Variants in LRRC7 observed in about 807,000 individuals in gnomAD.
LRRC7 encodes the protein leucine-rich repeat-containing protein 7.
In LRRC7, 23 loss-of-function variants were observed where a neutral mutation model predicts 175.7. The ratio of observed to expected loss-of-function variants is 0.13; its 90% CI spans 0.09 to 0.19. The LOEUF (loss-of-function observed/expected upper bound fraction) is 0.19. LRRC7 is among the 10% of genes least tolerant of loss of function. The pLI is 1.00. For missense variants in LRRC7, 1,354 were observed against 1,904.7 expected (o/e 0.71, Z 5.38); for synonymous variants, 685 against 680.9 (o/e 1.01, Z -0.09).
At position 70,133,962 on chromosome 1, in the gene LRRC7, TAA is replaced by T. The variant is rs1288023561; in HGVS notation, c.*12076_*12077del. Among the ~76,000 whole-genome samples, 2 of 152,230 alleles carry T rather than the reference TAA, an allele frequency of 1.3e-5. No individual in the cohort carries two copies. The highest frequency in any genetic ancestry group is 4.8e-5 in the African/African-American group (2 of 41,464). ...AAACTTAAACATCAGGAACTGTGGTTAAGTTTGCCTAGCCTTCTTTATGTAAT... is the reference window on the plus strand; with the variant it reads ...AAACTTAAACATCAGGAACTGTGGTTGTTTGCCTAGCCTTCTTTATGTAAT... On this transcript the variant is annotated 3_prime_UTR_variant, in exon 27 of 27. Coordinates refer to ENST00000651989, the MANE Select transcript of LRRC7 (RefSeq NM_001370785.2).
At chr1:69,632,906 G>A (rs1652736617) in intron 1 of LRRC7, among the ~76,000 whole-genome samples, 1 of 152,202 alleles carries the variant, frequency 6.6e-6, no homozygotes, top group Middle Eastern at 3.5e-3. Context: ...CAAGAGTTAA[G>A]TAGAGCATTT....
intron 3 of LRRC7, among the ~76,000 whole-genome samples, chr1:69,777,951 A>C (rs936715689): frequency 6.6e-6 from 1 of 152,172 alleles, no homozygotes; most frequent in African/African-American, 2.4e-5. Flanking sequence ...CTCTAACTTC[A>C]GGGGAAAAAA....
At chr1:69,661,251 C>T (rs1371576108) in intron 1 of LRRC7, among the ~76,000 whole-genome samples, 5 of 152,126 alleles carry the variant, frequency 3.3e-5, no homozygotes, top group Non-Finnish European at 7.4e-5. Context: ...TATATTCACT[C>T]AATCGCAAAT....
chr1:70,028,555 G>C (rs1658371987), intron 18 of LRRC7, among the ~76,000 whole-genome samples, 184 bp downstream of exon 18: 2 of 151,992 alleles, frequency 1.3e-5, no homozygotes, highest in South Asian at 4.1e-4. Context: ...TACCCTCATG[G>C]CCTAAAATCA....
At chr1:69,617,529 G>T (rs150035850) in intron 1 of LRRC7, among the ~76,000 whole-genome samples, 73 of 98,536 alleles carry the variant, frequency 7.4e-4, no homozygotes, top group African/African-American at 2.5e-3. Context: ...TGAGCTGAAG[G>T]TTGTTATATA....
intron 7 of LRRC7, among the ~76,000 whole-genome samples, chr1:69,890,483 T>G (rs1645802015): frequency 6.6e-6 from 1 of 152,238 alleles, no homozygotes; most frequent in Non-Finnish European, 1.5e-5. Context: ...CTAAAGCACA[T>G]GCAGAATAGA....
intron 7 of LRRC7, among the ~76,000 whole-genome samples, chr1:69,924,084 C>T (rs1041693935): frequency 2.6e-5 from 4 of 152,076 alleles, no homozygotes; most frequent in Admixed American, 2.0e-4. Flanking sequence ...TCTTGTTTTT[C>T]TCAGGTTTGT....
chr1:69,928,915 C>A (rs1301680262), intron 7 of LRRC7, among the ~76,000 whole-genome samples: 4 of 152,230 alleles, frequency 2.6e-5, no homozygotes, highest in African/African-American at 9.6e-5. Context: ...ACGCTGGGAG[C>A]TGTAGACCGG....
chr1:69,738,414 C>T (rs1476049028), intron 2 of LRRC7, among the ~76,000 whole-genome samples: 1 of 152,000 alleles, frequency 6.6e-6, no homozygotes, highest in Non-Finnish European at 1.5e-5. Flanking sequence ...GAAAATGATA[C>T]AAATCTATTT....
At chr1:69,856,225 A>G (rs937036977) in intron 7 of LRRC7, among the ~76,000 whole-genome samples, 2 of 152,100 alleles carry the variant, frequency 1.3e-5, no homozygotes, top group Admixed American at 1.3e-4. Context: ...GAGCAAACAC[A>G]TTCAAAAGCT....
intron 1 of LRRC7, among the ~76,000 whole-genome samples, chr1:69,649,966 T>A (rs1461974345): frequency 6.6e-6 from 1 of 152,066 alleles, no homozygotes; most frequent in Non-Finnish European, 1.5e-5. Flanking sequence ...ACTTTATGGA[T>A]GATGACAGGC....
chr1:70,062,696 A>G (rs756132544), intron 23 of LRRC7, among the ~76,000 whole-genome samples: 6 of 152,126 alleles, frequency 3.9e-5, no homozygotes, highest in Non-Finnish European at 8.8e-5. Flanking sequence ...AAGCTGAATC[A>G]GGAAAAAGGG....
chr1:69,760,837 T>C (rs1283971919), intron 3 of LRRC7, among the ~76,000 whole-genome samples: 1 of 152,036 alleles, frequency 6.6e-6, no homozygotes, highest in East Asian at 1.9e-4. Context: ...AATGCTATTA[T>C]GAAAAACATG....
At chr1:69,848,595 C>G (rs557333088) in intron 7 of LRRC7, among the ~76,000 whole-genome samples, 1 of 152,046 alleles carries the variant, frequency 6.6e-6, no homozygotes. Flanking sequence ...ATAAGACACA[C>G]CAAATCCGCT....
intron 7 of LRRC7, among the ~76,000 whole-genome samples, chr1:69,903,952 A>G (rs1646216873): frequency 6.6e-6 from 1 of 152,228 alleles, no homozygotes; most frequent in Admixed American, 6.5e-5. Flanking sequence ...AGACTAAACC[A>G]GGAAGAAGTC....
intron 11 of LRRC7, among the ~76,000 whole-genome samples, chr1:70,003,989 T>G (rs541727940): frequency 6.6e-6 from 1 of 152,196 alleles, no homozygotes; most frequent in Non-Finnish European, 1.5e-5. Flanking sequence ...TTTTTGCAAA[T>G]TCTATTTTCA....
chr1:69,970,150 A>G (rs778582409), intron 8 of LRRC7, among the ~76,000 whole-genome samples: 1 of 152,182 alleles, frequency 6.6e-6, no homozygotes, highest in Non-Finnish European at 1.5e-5. Flanking sequence ...AGGAAAGTTC[A>G]TACCCCTAAA....
chr1:70,117,021 A>G (rs964535601), intron 26 of LRRC7, among the ~76,000 whole-genome samples: 2 of 152,218 alleles, frequency 1.3e-5, no homozygotes, highest in African/African-American at 4.8e-5. Flanking sequence ...GTAGGCATTC[A>G]AAGTGCAAGA....
chr1:69,995,231 A>G (rs1336156786), intron 11 of LRRC7, among the ~76,000 whole-genome samples: 1 of 152,106 alleles, frequency 6.6e-6, no homozygotes, highest in Non-Finnish European at 1.5e-5. Context: ...TTGGTTTACA[A>G]TTCTTTAAGA....
Sources: allele counts gnomAD v4.1 joint callset (sites outside exome capture counted in the v4.1 genomes callset), GRCh38; gene constraint gnomAD v4.1.1; transcripts MANE v1.5; gene names NCBI Gene and HGNC (gene_info 2026-07-23, HGNC 2026-07-21).